FAM13A: variants seen among roughly 807,000 people sequenced by gnomAD.
FAM13A encodes protein FAM13A.
In FAM13A, 76 loss-of-function variants were observed where a neutral mutation model predicts 129.6. The observed-to-expected ratio is 0.59, with a 90% CI of 0.49 to 0.71. The LOEUF is 0.71. Among genes scored for constraint, FAM13A ranks in the 30% least tolerant of loss-of-function variants. The pLI, the probability that FAM13A is intolerant of heterozygous loss-of-function variation, is 0.00. For synonymous variants in FAM13A, 443 were observed against 449.9 expected (o/e 0.98, Z 0.20); for missense variants, 1,108 against 1,249.3 (o/e 0.89, Z 1.70).
intron 6 of FAM13A, among the ~76,000 whole-genome samples, chr4:88,886,460 C>T (rs966341060): frequency 3.3e-5 from 5 of 151,474 alleles, no homozygotes; most frequent in African/African-American, 1.2e-4. Context: ...TGGTGGCATG[C>T]ACCTGTAGTC....
chr4:88,793,454 T>C (rs756997649), intron 8 of FAM13A, among the ~76,000 whole-genome samples: 5 of 152,086 alleles, frequency 3.3e-5, no homozygotes, highest in African/African-American at 4.8e-5. Context: ...ATGTTTTTAA[T>C]AGTCCTTTGG....
chr4:88,767,104 T>C (rs1745836400), intron 13 of FAM13A, among the ~76,000 whole-genome samples: 1 of 152,182 alleles, frequency 6.6e-6, no homozygotes, highest in African/African-American at 2.4e-5. Flanking sequence ...CCAATGTTTA[T>C]TTAAGATGAG....
chr4:89,008,477 G>C (rs1364527290), intron 3 of FAM13A, among the ~76,000 whole-genome samples: 2 of 152,178 alleles, frequency 1.3e-5, no homozygotes, highest in Admixed American at 1.3e-4. Context: ...CTTGATCTTG[G>C]ACTTCCAGCC....
At chr4:88,999,609 A>C (rs147089801) in intron 3 of FAM13A, among the ~76,000 whole-genome samples, 11 of 152,330 alleles carry the variant, frequency 7.2e-5, no homozygotes, top group African/African-American at 2.6e-4. Flanking sequence ...TCTAGGCACT[A>C]CTGGTTAAAT....
At chr4:88,770,076 G>C (rs539425504) in intron 11 of FAM13A, among the ~76,000 whole-genome samples, 1 of 152,218 alleles carries the variant, frequency 6.6e-6, no homozygotes, top group Non-Finnish European at 1.5e-5. Flanking sequence ...TACAGTGTTT[G>C]TGTCTGCCAT....
At chr4:88,756,476 T>C (rs1168259719) in intron 14 of FAM13A, among the ~76,000 whole-genome samples, 1 of 152,122 alleles carries the variant, frequency 6.6e-6, no homozygotes, top group African/African-American at 2.4e-5. Flanking sequence ...GATTCCACAT[T>C]AATGTGAGAG....
Position 88,869,311 on chromosome 4 carries a change from T to C in FAM13A, c.844-18128A>G, listed in dbSNP as rs542677343. Among the ~76,000 whole-genome samples, 13 of 152,358 alleles carry C rather than the reference T, an allele frequency of 8.5e-5. No homozygotes were observed. In the South Asian group the frequency reaches 2.7e-3, roughly 32 times the overall value. ...GTTGTCCCTGTTTAAAACTTGTCAA[T>C]GGTTTTTCATTTCATTTTGGAGATG... On this transcript the variant is annotated intron_variant, in intron 6 of 23. Transcript: ENST00000264344.
chr4:88,943,703 C>A lies in FAM13A; in HGVS notation c.606-5462G>T, dbSNP rs577522698. ...CTAACCTTGAGATAACACTGGACTG[C>A]GTGAGAATTTCTAGAACTCTAATGA... On this transcript the variant is annotated intron_variant, in intron 4 of 23. Transcript: ENST00000264344. 9.9e-5 allele frequency among the ~76,000 whole-genome samples: 15 copies of A among 152,234 alleles called. No individual in the cohort carries two copies. In the South Asian group the frequency reaches 3.1e-3, roughly 32 times the overall value.
intron 19 of FAM13A, among the ~76,000 whole-genome samples, chr4:88,740,300 T>C (rs955746994): frequency 6.6e-6 from 1 of 152,224 alleles, no homozygotes; most frequent in African/African-American, 2.4e-5. Context: ...TAAATGCTTT[T>C]ACACTTTACT....
At chr4:88,839,320 A>T (rs897239326) in intron 7 of FAM13A, among the ~76,000 whole-genome samples, 1 of 152,214 alleles carries the variant, frequency 6.6e-6, no homozygotes, top group African/African-American at 2.4e-5. Context: ...GATTTATAAA[A>T]ATAAAAGCCA....
At chr4:88,915,557 T>C (rs965651962) in intron 5 of FAM13A, among the ~76,000 whole-genome samples, 1 of 152,208 alleles carries the variant, frequency 6.6e-6, no homozygotes, top group African/African-American at 2.4e-5. Context: ...ATTTTGATTG[T>C]GTTTAAGTCT....
intron 7 of FAM13A, among the ~76,000 whole-genome samples, chr4:88,846,641 A>G (rs983208124): frequency 1.3e-5 from 2 of 152,152 alleles, no homozygotes; most frequent in Non-Finnish European, 2.9e-5. Flanking sequence ...CCTCACTCCA[A>G]CTTTGTTTGC....
rs551873644 is a variant in FAM13A, at chr4:88,924,536, C to G, written c.759+13552G>C. ...CTGAAACTGGACCCCTTCTTTAAACCTTATACAAAAATTAATTCAAGATGG... is the reference window on the plus strand; with the variant it reads ...CTGAAACTGGACCCCTTCTTTAAACGTTATACAAAAATTAATTCAAGATGG... On this transcript the variant is annotated intron_variant, in intron 5 of 23. Transcript: ENST00000264344. Among the ~76,000 whole-genome samples the G allele has an allele frequency of 2.0e-5, 3 of 152,248 alleles. No individual in the cohort carries two copies. The East Asian group carries it at 5.8e-4, about 29-fold the overall frequency.
chr4:88,891,537 T>C (rs1159915677), intron 6 of FAM13A, among the ~76,000 whole-genome samples: 4 of 152,178 alleles, frequency 2.6e-5, no homozygotes, highest in East Asian at 1.9e-4. Flanking sequence ...GAAACATGGA[T>C]ACAACCATAC....
At chr4:88,949,796 A>G (rs1227963623) in intron 4 of FAM13A, among the ~76,000 whole-genome samples, 1 of 152,188 alleles carries the variant, frequency 6.6e-6, no homozygotes, top group East Asian at 1.9e-4. Context: ...AATTTATATT[A>G]TGTATGTCAG....
rs371348679 is a variant in FAM13A, at chr4:88,856,325, T to TAA, written c.844-5144_844-5143dup. ...TGAGACCCTGTCTCTACAAAATAAT[T>TAA]AAAAAAAAAATAGCCAGGCCTTGTA... On this transcript the variant is annotated intron_variant, in intron 6 of 23. Coordinates refer to ENST00000264344, the MANE Select transcript of FAM13A (RefSeq NM_014883.4). 6.1e-5 allele frequency among the ~76,000 whole-genome samples: 9 copies of TAA among 147,458 alleles called. 1 individual carries two copies. Among genetic ancestry groups the TAA allele is most frequent in the African/African-American group, 2.2e-4 (9 of 40,210 alleles).
chr4:88,771,671 A>G (rs529543647), intron 11 of FAM13A, among the ~76,000 whole-genome samples: 1 of 152,314 alleles, frequency 6.6e-6, no homozygotes, highest in South Asian at 2.1e-4. Flanking sequence ...TTTAAAAAGC[A>G]GCAAAGAAGA....
At chr4:88,898,697 T>G (rs1274843020) in intron 6 of FAM13A, among the ~76,000 whole-genome samples, 1 of 151,916 alleles carries the variant, frequency 6.6e-6, no homozygotes, top group African/African-American at 2.4e-5. Context: ...GTTGGGAGAA[T>G]ATATTGTCTT....
chr4:88,814,257 A>G (rs1480610932), intron 7 of FAM13A, among the ~76,000 whole-genome samples: 2 of 152,184 alleles, frequency 1.3e-5, no homozygotes, highest in African/African-American at 4.8e-5. Flanking sequence ...CAGCCCTTCC[A>G]CTCTGAAGCA....
Sources: allele counts gnomAD v4.1 joint callset (sites outside exome capture counted in the v4.1 genomes callset), GRCh38; gene constraint gnomAD v4.1.1; transcripts MANE v1.5; gene names NCBI Gene and HGNC (gene_info 2026-07-23, HGNC 2026-07-21).